Variants in BTBD7 observed in about 807,000 individuals in gnomAD.
BTBD7 encodes BTB/POZ domain-containing protein 7.
Under a neutral mutation model 99.9 loss-of-function variants are expected in BTBD7, and 38 were observed. That is an observed-to-expected ratio of 0.38 (90% CI 0.29 to 0.50). BTBD7 has a LOEUF of 0.50. Ranked by LOEUF, BTBD7 falls within the 20% of genes least tolerant of loss-of-function variation. The pLI is 0.93. For synonymous variants in BTBD7, 520 were observed against 511.4 expected, an observed-to-expected ratio of 1.02 and a Z score of -0.23; for missense variants, 1,170 against 1,394.6, an observed-to-expected ratio of 0.84 and a Z score of 2.57.
In BTBD7 at chr14:93,241,503, G is replaced by A. The variant is rs2052229250; in HGVS notation, c.*770C>T. The A allele has an allele frequency of 6.6e-6, 1 of 152,160 alleles. No homozygotes were observed. The highest frequency in any genetic ancestry group is 2.4e-5 in the African/African-American group (1 of 41,428). The allele number at this position is 152,160 out of a possible 1,614,324, so 9.4% of individuals were successfully genotyped here. ...CGATCTGTTTAGAGCCTCATCTGGT[G>A]ACTCTAATCCTTATGACCAGAATGT... On this transcript the variant is annotated 3_prime_UTR_variant, in exon 11 of 11. Transcript: ENST00000334746.
intron 1 of BTBD7, among the ~76,000 whole-genome samples, chr14:93,323,129 A>G (rs2053288884): frequency 6.6e-6 from 1 of 152,078 alleles, no homozygotes; most frequent in Non-Finnish European, 1.5e-5. Context: ...TCTCTTAAAA[A>G]AAACAAACAC....
At chr14:93,311,164 G>A (rs1410012141) in intron 1 of BTBD7, among the ~76,000 whole-genome samples, 2 of 152,154 alleles carry the variant, frequency 1.3e-5, no homozygotes, top group African/African-American at 4.8e-5. Context: ...ACATCTATGT[G>A]ACAGGTTTTA....
rs1451065663 is a variant in BTBD7, at chr14:93,295,065, T to C, written c.83-128A>G. ...AACCACTCAAAATTGCATTTGTTTT[T>C]TATAAAGGAAGACAAAAAGTTCAAT... On this transcript the variant is annotated intron_variant, in intron 2 of 10. Transcript: ENST00000334746. 3 of 925,424 alleles carry C rather than the reference T, an allele frequency of 3.2e-6. No individual in the cohort carries two copies. The African/African-American group carries it at 5.1e-5, about 16-fold the overall frequency. 57.3% of individuals were successfully genotyped at this position (925,424 alleles called of 1,614,324 possible). A position where few individuals can be genotyped will look rare whatever the true frequency, so the allele number is the denominator to read the frequency against.
At position 93,253,676 on chromosome 14, in the gene BTBD7, G is replaced by C. The variant is rs2052394162; in HGVS notation, c.1723C>G (p.Leu575Val). ...KNAGIYVRPR[L>V]FSPYVEEAKS... ...GCTTCTTCCACATAGGGAGAGAAGA[G>C]TCGAGGACGAACATAGATGCCAGCA... The change falls in exon 7 of 11, where the codon CTC (leucine) becomes GTC (valine). Residue 575 changes from leucine (L) to valine (V), a missense_variant. Physicochemically the swap from Leu to Val is conservative, Grantham distance 32. Transcript: ENST00000334746. The C allele has an allele frequency of 1.2e-6, 2 of 1,611,520 alleles. No homozygotes were observed.
chr14:93,247,491 C>G (rs2052326405), intron 9 of BTBD7, among the ~76,000 whole-genome samples: 1 of 152,080 alleles, frequency 6.6e-6, no homozygotes, highest in Admixed American at 6.6e-5. Context: ...GACTACAGGC[C>G]CACGCCACCA....
intron 3 of BTBD7, among the ~76,000 whole-genome samples, chr14:93,266,827 C>T (rs1050455690): frequency 6.6e-6 from 1 of 152,200 alleles, no homozygotes; most frequent in Non-Finnish European, 1.5e-5. Context: ...ATAAGGAACA[C>T]AATGAGACCA....
intron 1 of BTBD7, among the ~76,000 whole-genome samples, chr14:93,304,076 A>T (rs967830804): frequency 3.3e-5 from 5 of 152,238 alleles, no homozygotes; most frequent in Admixed American, 2.0e-4. Flanking sequence ...GCCTATAAGC[A>T]GAGGGTGAAA....
chr14:93,299,998 A>G (rs969130466), intron 1 of BTBD7, among the ~76,000 whole-genome samples: 1 of 152,166 alleles, frequency 6.6e-6, no homozygotes, highest in Non-Finnish European at 1.5e-5. Flanking sequence ...ACTCAGGAAA[A>G]TGCTGATCTT....
chr14:93,250,890 G>A (rs192020056), intron 8 of BTBD7, among the ~76,000 whole-genome samples: 201 of 152,280 alleles, frequency 1.3e-3, no homozygotes, highest in African/African-American at 4.4e-3. Context: ...AGACTCAAAG[G>A]TATAATAGAC....
intron 5 of BTBD7, among the ~76,000 whole-genome samples, chr14:93,260,494 G>A (rs1203920685): frequency 3.3e-5 from 5 of 151,998 alleles, no homozygotes; most frequent in Non-Finnish European, 7.4e-5. Flanking sequence ...CTCTTCTGCA[G>A]TGACCCCACT....
intron 1 of BTBD7, among the ~76,000 whole-genome samples, chr14:93,332,090 C>A (rs531151142): frequency 6.6e-6 from 1 of 152,206 alleles, no homozygotes; most frequent in Non-Finnish European, 1.5e-5. Flanking sequence ...AGAAACAACA[C>A]TCCTCAGAGT....
At chr14:93,283,007 G>A (rs1347647045) in intron 3 of BTBD7, among the ~76,000 whole-genome samples, 4 of 152,140 alleles carry the variant, frequency 2.6e-5, no homozygotes, top group East Asian at 1.9e-4. Context: ...TCCATCTTTC[G>A]AATTTTATTA....
intron 3 of BTBD7, chr14:93,288,632 C>T (rs1347259720): frequency 8.2e-7 from 1 of 1,218,958 alleles, no homozygotes; most frequent in Non-Finnish European, 1.2e-6. Flanking sequence ...GATGGGTTTT[C>T]ATATTTAAGA....
chr14:93,243,141 G>A lies in BTBD7; in HGVS notation c.2584-53C>T, dbSNP rs1187892749. The A allele has an allele frequency of 2.1e-6, 3 of 1,450,626 alleles. No individual in the cohort carries two copies. In the African/African-American group the frequency reaches 4.3e-5, roughly 21 times the overall value. 89.9% of individuals were successfully genotyped at this position (1,450,626 alleles called of 1,614,324 possible). ...GGGTTAAAAAAAGGACCCATCCTCT[G>A]TAGAAATGATGTTCACTGATTTTGT... is the stretch of plus-strand genomic sequence containing the variant. On this transcript the variant is annotated intron_variant, in intron 10 of 10. Coordinates refer to ENST00000334746, the MANE Select transcript of BTBD7 (RefSeq NM_001002860.4).
intron 3 of BTBD7, among the ~76,000 whole-genome samples, chr14:93,285,847 A>G (rs1359630871): frequency 6.6e-6 from 1 of 152,222 alleles, no homozygotes; most frequent in Non-Finnish European, 1.5e-5. Flanking sequence ...TTATGGTGCA[A>G]TAGCAGAAAA....
chr14:93,272,045 G>A (rs1566843921), intron 3 of BTBD7, among the ~76,000 whole-genome samples: 1 of 151,816 alleles, frequency 6.6e-6, no homozygotes, highest in South Asian at 2.1e-4. Flanking sequence ...GTGGGCGGGC[G>A]CAGTGGCTCA....
intron 3 of BTBD7, among the ~76,000 whole-genome samples, chr14:93,277,859 GAA>G (rs1157403392): frequency 6.6e-6 from 1 of 152,148 alleles, no homozygotes; most frequent in Non-Finnish European, 1.5e-5. Flanking sequence ...AATGAGAACA[GAA>G]ACAGTGACAA....
At position 93,332,967 on chromosome 14, in the gene BTBD7, TG is replaced by T; in HGVS notation, c.-255del. 1 of 656,178 alleles carries T rather than the reference TG, an allele frequency of 1.5e-6. No individual in the cohort carries two copies. Among genetic ancestry groups the T allele is most frequent in the Non-Finnish European group, 2.4e-6 (1 of 419,782 alleles). The allele number at this position is 656,178 out of a possible 1,614,324, so 40.6% of individuals were successfully genotyped here. On this transcript the variant is annotated 5_prime_UTR_variant, in exon 1 of 11. Transcript: ENST00000334746. ...CCGCCGCCGCCGCCCTCTCCTCTCCTGTCAGTGGCTCAGGCTCCGGGACTGC... is the reference window on the plus strand; with the variant it reads ...CCGCCGCCGCCGCCCTCTCCTCTCCTTCAGTGGCTCAGGCTCCGGGACTGC...
At chr14:93,318,661 G>A (rs927154111) in intron 1 of BTBD7, among the ~76,000 whole-genome samples, 3 of 152,126 alleles carry the variant, frequency 2.0e-5, no homozygotes, top group African/African-American at 7.2e-5. Flanking sequence ...AATCAGACTG[G>A]GTAGTGACCA....
Sources: allele counts gnomAD v4.1 joint callset (sites outside exome capture counted in the v4.1 genomes callset), GRCh38; gene constraint gnomAD v4.1.1; transcripts MANE v1.5; gene names NCBI Gene and HGNC (gene_info 2026-07-23, HGNC 2026-07-21).